The following AHDC1 variants were observed in gnomAD, a reference collection of about 807,000 sequenced individuals.
AHDC1 encodes AT-hook DNA binding motif containing 1.
A neutral mutation model predicts 87.9 loss-of-function variants in AHDC1; 7 were observed. The ratio of observed to expected loss-of-function variants is 0.08; its 90% confidence interval spans 0.05 to 0.15. The LOEUF (loss-of-function observed/expected upper bound fraction) is 0.15, where lower values mean the gene tolerates loss of function less well. Among genes scored for constraint, AHDC1 ranks in the 10% least tolerant of loss-of-function variants. The probability of loss-of-function intolerance (pLI) is 1.00; values close to 1 mark genes in which losing one functional copy is unlikely to be tolerated. For missense variants in AHDC1, 1,841 were observed against 2,253.2 expected, an observed-to-expected ratio of 0.82 and a Z score of 3.70; for synonymous variants, 1,051 against 1,006.8, an observed-to-expected ratio of 1.04 and a Z score of -0.83.
chr1:27,603,142 A>G (rs2089584072), intron 3 of AHDC1, among the ~76,000 whole-genome samples: 1 of 142,500 alleles, frequency 7.0e-6, no homozygotes, highest in South Asian at 2.3e-4. Context: ...GAAACCCGAG[A>G]ACCCCCCCTC....
chr1:27,549,332 G>A lies in AHDC1; in HGVS notation c.2784C>T (p.Ser928=). 1 of 1,611,238 alleles carries A rather than the reference G, an allele frequency of 6.2e-7. No individual in the cohort carries two copies. ...CTGAAGCGGCTGGAGTTAGCCCATA[G>A]CTTGCTGCTCGTCCTGGTGGGAAGG... is the stretch of plus-strand genomic sequence containing the variant. ...RQTFPPGRAA[S]YGLTPAASDC... Residue 928 remains serine (S), a synonymous_variant, in exon 8 of 9, where the codon AGC becomes AGT. Transcript: ENST00000673934.
At chr1:27,553,876 G>A (rs1176925615) in intron 5 of AHDC1, among the ~76,000 whole-genome samples, 1 of 152,020 alleles carries the variant, frequency 6.6e-6, no homozygotes, top group African/African-American at 2.4e-5. Context: ...GACCAGCCTG[G>A]GTAACATAGC....
intron 3 of AHDC1, among the ~76,000 whole-genome samples, chr1:27,587,893 C>T (rs2089108563): frequency 6.6e-6 from 1 of 152,140 alleles, no homozygotes. Context: ...GATCCTTAAC[C>T]CTAATTGAAT....
chr1:27,576,396 A>T (rs1284523392), intron 3 of AHDC1, among the ~76,000 whole-genome samples: 6 of 152,182 alleles, frequency 3.9e-5, no homozygotes, highest in Admixed American at 3.3e-4. Flanking sequence ...GTTTTCACTG[A>T]CCACCTATTT....
chr1:27,579,830 T>C (rs2148434104), intron 3 of AHDC1, among the ~76,000 whole-genome samples: 1 of 152,354 alleles, frequency 6.6e-6, no homozygotes, highest in African/African-American at 2.4e-5. Context: ...ATTTTTACTT[T>C]CCAGAATGAC....
chr1:27,587,895 T>C lies in AHDC1; in HGVS notation c.-629+15502A>G, dbSNP rs116515774. Among the ~76,000 whole-genome samples, 384 of 152,306 alleles carry C rather than the reference T, an allele frequency of 2.5e-3. 4 individuals carry two copies. Among genetic ancestry groups the C allele is most frequent in the African/African-American group, 8.8e-3 (365 of 41,554 alleles). ...CTGGAACCCCACTGATCCTTAACCC[T>C]AATTGAATCTCCTCTCCATCCTACT... is the stretch of plus-strand genomic sequence containing the variant. On this transcript the variant is annotated intron_variant, in intron 3 of 8. Transcript: ENST00000673934.
At chr1:27,537,715 G>A (rs2018709043) in intron 8 of AHDC1, among the ~76,000 whole-genome samples, 1 of 152,190 alleles carries the variant, frequency 6.6e-6, no homozygotes, top group Non-Finnish European at 1.5e-5. Context: ...CCACTGTTCT[G>A]CAGACTTCAC....
In AHDC1 at chr1:27,547,690, T is replaced by C; in HGVS notation, c.4426A>G (p.Ser1476Gly). 6.3e-7 allele frequency: 1 copy of C among 1,595,446 alleles called. No individual in the cohort carries two copies. The highest frequency in any genetic ancestry group is 8.6e-7 in the Non-Finnish European group (1 of 1,169,230). Reference sequence around the variant, plus strand: ...CCCACCTTGCCTTCATAGGGCGGGCTGCGGGCAGCTGAGCCTGGAGGGTAC... The same window carrying C: ...CCCACCTTGCCTTCATAGGGCGGGCCGCGGGCAGCTGAGCCTGGAGGGTAC... ...YWYPPGSAAR[S>G]PPYEGKVGTG... Residue 1476 changes from serine (S) to glycine (G), a missense_variant, in exon 8 of 9, where the codon AGC becomes GGC. Physicochemically the swap from Ser to Gly is moderately conservative, Grantham distance 56. Transcript: ENST00000673934. This position sits in a 1 kb window ranked among gnomAD's most constrained non-coding sequence, Gnocchi z 4.9.
At chr1:27,575,854 C>T (rs963920836) in intron 3 of AHDC1, among the ~76,000 whole-genome samples, 1 of 145,224 alleles carries the variant, frequency 6.9e-6, no homozygotes, top group African/African-American at 2.5e-5. Context: ...TCCTGGCCCC[C>T]GGCCCGCCAG....
chr1:27,550,754 T>C lies in AHDC1; in HGVS notation c.1362A>G (p.Glu454=). The change falls in exon 8 of 9, where the codon GAA becomes GAG. Residue 454 remains glutamate (E), a synonymous_variant. Transcript: ENST00000673934. ...TAGAGACCACTGGGGTCTGGGAAGA[T>C]TCCGGCTTCAACTCTGGGACTGAGA... ...GPVSVPELKP[E]SSQTPVVSTR... The C allele has an allele frequency of 6.3e-7, 1 of 1,578,500 alleles. No homozygotes were observed. The highest frequency in any genetic ancestry group is 8.6e-7 in the Non-Finnish European group (1 of 1,162,852).
In AHDC1 at chr1:27,565,869, C is replaced by T. The variant is rs1212705100; in HGVS notation, c.-628-6986G>A. On this transcript the variant is annotated intron_variant, in intron 3 of 8. Coordinates refer to ENST00000673934, the MANE Select transcript of AHDC1 (RefSeq NM_001371928.1). The surrounding 1 kb of genome is among the most constrained non-coding windows in gnomAD (Gnocchi z 4.6). ...GTAGACTAGATGGATGGAGCCCATC[C>T]CCTAAAACCCTGGAAAGGCAGACTC... Among the ~76,000 whole-genome samples, 2 of 152,154 alleles carry T rather than the reference C, an allele frequency of 1.3e-5. No individual in the cohort carries two copies. Among genetic ancestry groups the T allele is most frequent in the African/African-American group, 4.8e-5 (2 of 41,416 alleles).
At position 27,548,482 on chromosome 1, in the gene AHDC1, A is replaced by G; in HGVS notation, c.3634T>C (p.Ser1212Pro). ...EKLMMDWNEA[S>P]SAPGYNWNQS... ...TTCCAGTTGTAGCCGGGGGCAGATG[A>G]TGCCTCGTTCCAGTCCATCATCAGT... is the stretch of plus-strand genomic sequence containing the variant. Residue 1212 changes from serine (S) to proline (P), a missense_variant, in exon 8 of 9, where the codon TCA (serine) becomes CCA (proline). This residue lies in a region of AHDC1 where 505 missense variants were observed against 626.2 expected (regional missense o/e 0.81). Coordinates refer to ENST00000673934, the MANE Select transcript of AHDC1 (RefSeq NM_001371928.1). 1 of 1,613,858 alleles carries G rather than the reference A, an allele frequency of 6.2e-7. No homozygotes were observed. The highest frequency in any genetic ancestry group is 1.1e-5 in the South Asian group (1 of 91,084).
intron 8 of AHDC1, among the ~76,000 whole-genome samples, chr1:27,545,705 A>G (rs913162625): frequency 4.6e-5 from 7 of 151,952 alleles, no homozygotes; most frequent in Admixed American, 1.3e-4. Context: ...AGGCCATTTT[A>G]ATCTTGGCCT....
intron 3 of AHDC1, among the ~76,000 whole-genome samples, chr1:27,587,748 A>T (rs2089102179): frequency 6.6e-6 from 1 of 152,222 alleles, no homozygotes; most frequent in South Asian, 2.1e-4. Flanking sequence ...GATAACTGAC[A>T]ATAATGGCTA....
Position 27,547,397 on chromosome 1 carries a change from C to A in AHDC1, c.4719G>T (p.Ala1573=), listed in dbSNP as rs766141127. ...AYRYPGFMPQ[A]HPGLGGGPKS... ...TGGGGCCCCCACCCAGGCCAGGATG[C>A]GCCTGGGGCATAAAGCCTGGGTACC... Residue 1573 remains alanine (A), a synonymous_variant, in exon 8 of 9, where the codon GCG becomes GCT. Transcript: ENST00000673934. This position sits in a 1 kb window ranked among gnomAD's most constrained non-coding sequence, Gnocchi z 4.9. The A allele has an allele frequency of 8.3e-6, 13 of 1,566,746 alleles. No homozygotes were observed. The East Asian group carries it at 2.9e-4, about 35-fold the overall frequency.
At chr1:27,575,603 C>G (rs1046544813) in intron 3 of AHDC1, among the ~76,000 whole-genome samples, 1 of 151,542 alleles carries the variant, frequency 6.6e-6, no homozygotes, top group Non-Finnish European at 1.5e-5. Context: ...CCATCATCCC[C>G]GCGCAGCGCG....
Position 27,552,183 on chromosome 1 carries a change from C to A in AHDC1, c.-68G>T, listed in dbSNP as rs1342980604. On this transcript the variant is annotated 5_prime_UTR_variant, in exon 8 of 9. Transcript: ENST00000673934. ...GACATGAGGGTGCGAGAAGCCGGGA[C>A]CAGGACCTGCCAGGCAGGAAGAGCA... The A allele has an allele frequency of 9.1e-6, 13 of 1,425,340 alleles. No individual in the cohort carries two copies. Among genetic ancestry groups the A allele is most frequent in the Non-Finnish European group, 1.2e-5 (13 of 1,093,256 alleles). The allele number at this position is 1,425,340 out of a possible 1,614,324, so 88.3% of individuals were successfully genotyped here.
At chr1:27,564,249 G>A (rs1167177597) in intron 3 of AHDC1, among the ~76,000 whole-genome samples, 1 of 152,208 alleles carries the variant, frequency 6.6e-6, no homozygotes, top group East Asian at 1.9e-4. Flanking sequence ...CAAGCTGGGT[G>A]ACCTTGGAGC....
intron 3 of AHDC1, among the ~76,000 whole-genome samples, chr1:27,602,545 G>T (rs1178890742): frequency 6.6e-6 from 1 of 152,018 alleles, no homozygotes; most frequent in Admixed American, 6.5e-5. Context: ...TCTGCCCGGG[G>T]ACCCAGACCC....
Sources: gnomAD v4.1 joint callset for allele counts (sites outside exome capture counted in the v4.1 genomes callset) on GRCh38, gnomAD v4.1.1 for gene constraint, gnomAD v4.1.1 regional missense constraint, Gnocchi (gnomAD v3.1) non-coding constraint, MANE v1.5 for transcripts, NCBI Gene and HGNC (gene_info 2026-07-23, HGNC 2026-07-21) for gene names.